The following PPFIA2 variants were observed in gnomAD, a reference collection of about 807,000 sequenced individuals.
PPFIA2 encodes the protein liprin-alpha-2.
In PPFIA2, 46 loss-of-function variants were observed where a neutral mutation model predicts 175.5. The observed-to-expected ratio is 0.26, with a 90% confidence interval of 0.21 to 0.34. The LOEUF (loss-of-function observed/expected upper bound fraction) is 0.34, where lower values mean the gene tolerates loss of function less well. Ranked by LOEUF, PPFIA2 falls within the 10% of genes least tolerant of loss-of-function variation. The pLI is 1.00. For synonymous variants in PPFIA2, 568 were observed against 511.4 expected (o/e 1.11, Z -1.49); for missense variants, 1,179 against 1,506.1 (o/e 0.78, Z 3.60).
At chr12:81,712,734 T>G (rs1414753749) in intron 3 of PPFIA2, among the ~76,000 whole-genome samples, 16 of 151,148 alleles carry the variant, frequency 1.1e-4, no homozygotes, top group Non-Finnish European at 2.9e-5. Context: ...AAGGATTTTT[T>G]TTTTTAAGTG....
At chr12:81,323,063 G>A (rs996927063) in intron 22 of PPFIA2, among the ~76,000 whole-genome samples, 1 of 152,134 alleles carries the variant, frequency 6.6e-6, no homozygotes, top group East Asian at 1.9e-4. Flanking sequence ...CAAAAATTTG[G>A]AATGTCTTAA....
intron 4 of PPFIA2, among the ~76,000 whole-genome samples, chr12:81,615,762 C>T (rs372547645): frequency 9.2e-5 from 14 of 152,008 alleles, no homozygotes; most frequent in Non-Finnish European, 1.6e-4. Context: ...TTATGCAACA[C>T]TTTTTTAGCA....
intron 16 of PPFIA2, among the ~76,000 whole-genome samples, chr12:81,354,764 C>T (rs1282289264): frequency 1.3e-5 from 2 of 152,064 alleles, no homozygotes; most frequent in South Asian, 2.1e-4. Flanking sequence ...ATGCCTCAGC[C>T]TTCAGAGTAG....
intron 3 of PPFIA2, among the ~76,000 whole-genome samples, chr12:81,753,457 T>G (rs941299198): frequency 7.5e-5 from 11 of 145,886 alleles, no homozygotes; most frequent in African/African-American, 2.8e-4. Flanking sequence ...AGTTAAAGTG[T>G]TTTTTTTTCC....
At chr12:81,577,435 G>A (rs924162777) in intron 4 of PPFIA2, among the ~76,000 whole-genome samples, 3 of 151,974 alleles carry the variant, frequency 2.0e-5, no homozygotes, top group East Asian at 1.9e-4. Context: ...AAATGCCAGA[G>A]AGCATTCATT....
At chr12:81,262,183 C>T (rs1003026952) in intron 31 of PPFIA2, 143 bp from the exon 32 acceptor site, 3 of 617,614 alleles carry the variant, frequency 4.9e-6, no homozygotes, top group Non-Finnish European at 8.6e-6. Context: ...CACTCACATT[C>T]CTCTTCTCTA....
At chr12:81,383,008 T>C (rs1025668543) in intron 9 of PPFIA2, among the ~76,000 whole-genome samples, 1 of 152,118 alleles carries the variant, frequency 6.6e-6, no homozygotes, top group African/African-American at 2.4e-5. Flanking sequence ...TAATGTGCTA[T>C]GAGCCCAGTG....
chr12:81,341,240 C>A (rs774011711), intron 19 of PPFIA2, 32 bp from the exon 20 acceptor site: 4 of 1,593,818 alleles, frequency 2.5e-6, no homozygotes, highest in South Asian at 2.3e-5. Context: ...TCAAATAAAC[C>A]CTTTCTAAAT....
Position 81,547,376 on chromosome 12 carries a change from CT to C in PPFIA2, c.304-89511del, listed in dbSNP as rs1555472670. Among the ~76,000 whole-genome samples the C allele has an allele frequency of 1.1e-4, 16 of 148,638 alleles. No individual in the cohort carries two copies. In the South Asian group the frequency reaches 2.4e-3, roughly 22 times the overall value. On this transcript the variant is annotated intron_variant, in intron 4 of 32. Transcript: ENST00000549396. ...TTATTGACTAACTTTTTTTTCTTTC[CT>C]TTTTTTTTTCTTTTTGAGACAGAGT...
At chr12:81,637,683 T>A (rs2064292464) in intron 4 of PPFIA2, among the ~76,000 whole-genome samples, 1 of 152,114 alleles carries the variant, frequency 6.6e-6, no homozygotes, top group Non-Finnish European at 1.5e-5. Context: ...ATACTGAGTA[T>A]TTATATGCCA....
chr12:81,713,177 G>A (rs1269828838), intron 3 of PPFIA2, among the ~76,000 whole-genome samples: 1 of 150,854 alleles, frequency 6.6e-6, no homozygotes, highest in Non-Finnish European at 1.5e-5. Context: ...CTTTTTTGGG[G>A]GGGTCTGATT....
intron 5 of PPFIA2, among the ~76,000 whole-genome samples, chr12:81,448,068 C>T (rs1253126081): frequency 6.6e-6 from 1 of 152,002 alleles, no homozygotes; most frequent in Non-Finnish European, 1.5e-5. Context: ...AACATATCAG[C>T]ATCCAATTTT....
chr12:81,416,721 G>T (rs1352552392), intron 7 of PPFIA2, among the ~76,000 whole-genome samples: 6 of 151,658 alleles, frequency 4.0e-5, no homozygotes, highest in Admixed American at 2.6e-4. Context: ...AAAGTCAGAG[G>T]TATCAAAATC....
At chr12:81,470,616 A>C (rs1451097493) in intron 4 of PPFIA2, among the ~76,000 whole-genome samples, 1 of 152,228 alleles carries the variant, frequency 6.6e-6, no homozygotes, top group East Asian at 1.9e-4. Flanking sequence ...AATCTTGTAC[A>C]TGAATGTTCA....
intron 3 of PPFIA2, among the ~76,000 whole-genome samples, chr12:81,723,465 T>TCTC (rs2079622370): frequency 6.6e-6 from 1 of 150,972 alleles, no homozygotes; most frequent in Non-Finnish European, 1.5e-5. Flanking sequence ...AATGACCAAA[T>TCTC]ATGTAACTCT....
intron 4 of PPFIA2, among the ~76,000 whole-genome samples, chr12:81,465,922 T>C (rs1305345317): frequency 6.6e-6 from 1 of 152,190 alleles, no homozygotes; most frequent in Non-Finnish European, 1.5e-5. Flanking sequence ...TCACTATGTA[T>C]ATGCAATATT....
intron 3 of PPFIA2, among the ~76,000 whole-genome samples, chr12:81,707,169 A>G (rs1262366719): frequency 3.3e-5 from 5 of 152,178 alleles, no homozygotes; most frequent in African/African-American, 1.2e-4. Context: ...AAATTGACAA[A>G]TGGGATCTAA....
At chr12:81,352,741 A>T (rs1274994288) in intron 17 of PPFIA2, among the ~76,000 whole-genome samples, 1 of 152,194 alleles carries the variant, frequency 6.6e-6, no homozygotes, top group Admixed American at 6.5e-5. Flanking sequence ...TATGTAATGT[A>T]TCTGAAGAAT....
chr12:81,366,401 C>T (rs1307828850), intron 14 of PPFIA2, among the ~76,000 whole-genome samples: 1 of 151,630 alleles, frequency 6.6e-6, no homozygotes, highest in African/African-American at 2.4e-5. Flanking sequence ...CATCCCCTCA[C>T]CCCACCAAGC....
Sources: allele counts gnomAD v4.1 joint callset (sites outside exome capture counted in the v4.1 genomes callset), GRCh38; gene constraint gnomAD v4.1.1; transcripts MANE v1.5; gene names NCBI Gene and HGNC (gene_info 2026-07-23, HGNC 2026-07-21).